The following SLC6A16 variants were observed in gnomAD, a reference collection of about 807,000 sequenced individuals.
The protein encoded by SLC6A16 is orphan sodium- and chloride-dependent neurotransmitter transporter NTT5.
Under a neutral mutation model 65.4 loss-of-function variants are expected in SLC6A16, and 54 were observed. The observed-to-expected ratio is 0.83, with a 90% CI of 0.66 to 1.04. The LOEUF (loss-of-function observed/expected upper bound fraction) is 1.04, where lower values mean the gene tolerates loss of function less well. SLC6A16 is among the 50% of genes least tolerant of loss of function. The pLI, the probability that SLC6A16 is intolerant of heterozygous loss-of-function variation, is 0.00. For missense variants in SLC6A16, 816 were observed against 914.0 expected (o/e 0.89, Z 1.38); for synonymous variants, 330 against 346.5 (o/e 0.95, Z 0.53).
Position 49,293,614 on chromosome 19 carries a change from C to G in SLC6A16, c.1618+213G>C, listed in dbSNP as rs56328479. Among the ~76,000 whole-genome samples the G allele has an allele frequency of 1.9e-3, 290 of 152,192 alleles. 1 individual carries two copies. The highest frequency in any genetic ancestry group is 6.8e-3 in the Middle Eastern group (2 of 294). Reference sequence around the variant, plus strand: ...GCCCGTCTCTACAAAAGCTACAAAACTTAGCCGGGCGTGGTGATGCACGCC... The same window carrying G: ...GCCCGTCTCTACAAAAGCTACAAAAGTTAGCCGGGCGTGGTGATGCACGCC... On this transcript the variant is annotated intron_variant, in intron 9 of 11. Coordinates refer to ENST00000335875, the MANE Select transcript of SLC6A16 (RefSeq NM_014037.3).
chr19:49,337,984 C>G, the SLC6A16 span: 53 of 1,614,086 alleles, frequency 3.3e-5, no homozygotes, highest in South Asian at 3.4e-4. Context: ...GCACCAACCC[C>G]GAGGAGACCG....
At chr19:49,319,896 G>C (rs527417278) in intron 1 of SLC6A16, among the ~76,000 whole-genome samples, 1 of 152,176 alleles carries the variant, frequency 6.6e-6, no homozygotes, top group African/African-American at 2.4e-5. Context: ...ATAGGATGAA[G>C]TTAGAAATGA....
chr19:49,301,412 G>C (rs865846438), intron 7 of SLC6A16, among the ~76,000 whole-genome samples: 9 of 152,218 alleles, frequency 5.9e-5, no homozygotes, highest in African/African-American at 2.2e-4. Flanking sequence ...GGGACAGGCT[G>C]TCAGTATCAG....
In SLC6A16 at chr19:49,319,456, C is replaced by CATATACTTATACAT. The variant is rs1248922699; in HGVS notation, c.-65+5591_-65+5592insATGTATAAGTATAT. Among the ~76,000 whole-genome samples, 130 of 134,946 alleles carry CATATACTTATACAT rather than the reference C, an allele frequency of 9.6e-4. No homozygotes were observed. The South Asian group carries it at 0.015, about 16-fold the overall frequency. The allele number at this position is 134,946 out of a possible 152,430, so 88.5% of individuals were successfully genotyped here. A position where few individuals can be genotyped will look rare whatever the true frequency, so the allele number is the denominator to read the frequency against. On this transcript the variant is annotated intron_variant, in intron 1 of 11. Coordinates refer to ENST00000335875, the MANE Select transcript of SLC6A16 (RefSeq NM_014037.3). ...ATACATATAAATACATATACATATA[C>CATATACTTATACAT]ATATGTGTATATGTGTATATGTATA...
At chr19:49,338,265 C>T in the SLC6A16 span, 2 of 1,220,532 alleles carry the variant, frequency 1.6e-6, no homozygotes, top group Non-Finnish European at 1.1e-6. The surrounding 1 kb of genome is among the most constrained non-coding windows in gnomAD (Gnocchi z 5.0). Flanking sequence ...GACTCCGCCC[C>T]CGCCCCCGCC....
chr19:49,308,505 C>T (rs1970439794), intron 7 of SLC6A16, among the ~76,000 whole-genome samples: 1 of 151,974 alleles, frequency 6.6e-6, no homozygotes, highest in Non-Finnish European at 1.5e-5. Context: ...TCCATTTTTC[C>T]AAGGATGGCC....
At chr19:49,318,205 G>A (rs1444914257) in intron 1 of SLC6A16, among the ~76,000 whole-genome samples, 3 of 152,130 alleles carry the variant, frequency 2.0e-5, no homozygotes, top group Non-Finnish European at 4.4e-5. Flanking sequence ...AAAGTACTGG[G>A]GAACTACAGG....
chr19:49,313,087 A>AAAAAAAAAAAAAAAAAAAAC (rs1970554101), intron 1 of SLC6A16, among the ~76,000 whole-genome samples: 1 of 151,704 alleles, frequency 6.6e-6, no homozygotes, highest in African/African-American at 2.4e-5. Flanking sequence ...AAAAAAAAAA[A>AAAAAAAAAAAAAAAAAAAAC]AAAAAAAAGA....
rs762504579 is a variant in SLC6A16, at chr19:49,293,152, G to A, written c.1778+71C>T. On this transcript the variant is annotated intron_variant, in intron 10 of 11. Coordinates refer to ENST00000335875, the MANE Select transcript of SLC6A16 (RefSeq NM_014037.3). ...TGTCACACTAGGTGGGTTGACAGTA[G>A]AGGCAACAAAAAAGGGGTCACCCTT... 1.5e-5 allele frequency: 22 copies of A among 1,471,824 alleles called. No homozygotes were observed. The African/African-American group carries it at 2.7e-4, about 18-fold the overall frequency. The allele number at this position is 1,471,824 out of a possible 1,614,324, so 91.2% of individuals were successfully genotyped here.
chr19:49,327,453 T>G (rs1970811009), upstream of SLC6A16, among the ~76,000 whole-genome samples: 1 of 152,144 alleles, frequency 6.6e-6, no homozygotes, highest in Non-Finnish European at 1.5e-5. Context: ...CTTAAAGGAT[T>G]ATTTGCTAGG....
intron 7 of SLC6A16, among the ~76,000 whole-genome samples, chr19:49,297,570 A>G (rs354009): frequency 0.7 from 106,966 of 152,068 alleles, 37,921 homozygotes; most frequent in East Asian, 0.83. Flanking sequence ...CAGTGACCCA[A>G]TGATCCTTCT....
chr19:49,329,266 T>A (rs1221003674), upstream of SLC6A16, among the ~76,000 whole-genome samples: 1 of 151,832 alleles, frequency 6.6e-6, no homozygotes, highest in Non-Finnish European at 1.5e-5. Context: ...TTTTTGTATT[T>A]TTAGTAGAGA....
intron 7 of SLC6A16, among the ~76,000 whole-genome samples, chr19:49,308,493 T>C (rs1021650769): frequency 1.3e-5 from 2 of 152,074 alleles, no homozygotes; most frequent in Non-Finnish European, 2.9e-5. Flanking sequence ...GCCTTCTACT[T>C]CTCCATTTTT....
upstream of SLC6A16, among the ~76,000 whole-genome samples, chr19:49,329,607 A>G (rs1568544806): frequency 6.7e-6 from 1 of 149,090 alleles, no homozygotes; most frequent in Non-Finnish European, 1.5e-5. Flanking sequence ...CCTGGGCAAC[A>G]TAGCAAGGCC....
chr19:49,335,291 C>A, the SLC6A16 span: 1 of 533,938 alleles, frequency 1.9e-6, no homozygotes. This position sits in a 1 kb window ranked among gnomAD's most constrained non-coding sequence, Gnocchi z 4.6. Context: ...CAAGGCCCCT[C>A]AGGTACCAGA....
the SLC6A16 span, chr19:49,336,628 A>C: frequency 1.9e-5 from 7 of 375,954 alleles, no homozygotes; most frequent in Non-Finnish European, 3.4e-5. Context: ...AGCCAATGTC[A>C]CAGAACAAGT....
At chr19:49,340,295 C>T in the SLC6A16 span, 2 of 1,613,866 alleles carry the variant, frequency 1.2e-6, no homozygotes, top group East Asian at 2.2e-5. Flanking sequence ...GAAACCTGGA[C>T]CACGTCTACA....
chr19:49,335,695 C>A, the SLC6A16 span: 1 of 1,613,730 alleles, frequency 6.2e-7, no homozygotes, highest in Non-Finnish European at 8.5e-7. This position sits in a 1 kb window ranked among gnomAD's most constrained non-coding sequence, Gnocchi z 4.6. Context: ...ACCCCCGTAT[C>A]CGCATCTCCT....
In SLC6A16 at chr19:49,315,400, G is replaced by A. The variant is rs10418744; in HGVS notation, c.-64-3989C>T. 4.2e-3 allele frequency among the ~76,000 whole-genome samples: 633 copies of A among 152,298 alleles called. 11 individuals carry two copies. Among genetic ancestry groups the A allele is most frequent in the African/African-American group, 0.014 (598 of 41,552 alleles). ...TTATTGGAGTTATTGGTGGGTTGAT[G>A]GGCGTCTCCCTGAGACAAATGATGC... On this transcript the variant is annotated intron_variant, in intron 1 of 11. Transcript: ENST00000335875.
Sources: gnomAD v4.1 joint callset for allele counts (sites outside exome capture counted in the v4.1 genomes callset) on GRCh38, gnomAD v4.1.1 for gene constraint, Gnocchi (gnomAD v3.1) non-coding constraint, MANE v1.5 for transcripts, NCBI Gene and HGNC (gene_info 2026-07-23, HGNC 2026-07-21) for gene names.